Variants in PLEKHA2 observed in about 807,000 individuals in gnomAD.
The protein encoded by PLEKHA2 is pleckstrin homology domain-containing family A member 2.
Under a neutral mutation model 53.2 loss-of-function variants are expected in PLEKHA2, and 28 were observed. The ratio of observed to expected loss-of-function variants is 0.53; its 90% CI spans 0.39 to 0.72. The LOEUF is 0.72. Among genes scored for constraint, PLEKHA2 ranks in the 30% least tolerant of loss-of-function variants. PLEKHA2 has a pLI of 0.00. For missense variants in PLEKHA2, 426 were observed against 537.9 expected, an observed-to-expected ratio of 0.79 and a Z score of 2.06; for synonymous variants, 193 against 196.4, an observed-to-expected ratio of 0.98 and a Z score of 0.14.
chr8:38,918,669 ACACACACACCCCCACGCACAC>A (rs1219433530), intron 2 of PLEKHA2, among the ~76,000 whole-genome samples: 1 of 144,076 alleles, frequency 6.9e-6, no homozygotes, highest in Non-Finnish European at 1.5e-5. Flanking sequence ...ACACCCCCAT[ACACACACACCCCCACGCACAC>A]CACACACACC....
chr8:38,926,179 A>G (rs1425382356), intron 2 of PLEKHA2, among the ~76,000 whole-genome samples: 2 of 152,176 alleles, frequency 1.3e-5, no homozygotes, highest in Non-Finnish European at 2.9e-5. Context: ...GATTTTGTGT[A>G]ATTGATATCT....
At position 38,918,023 on chromosome 8, in the gene PLEKHA2, C is replaced by A; in HGVS notation, c.94C>A (p.Leu32Met). 6.2e-7 allele frequency: 1 copy of A among 1,613,538 alleles called. No individual in the cohort carries two copies. The highest frequency in any genetic ancestry group is 8.5e-7 in the Non-Finnish European group (1 of 1,179,646). The change falls in exon 2 of 12, where the codon CTG (leucine) becomes ATG (methionine). Residue 32 changes from leucine (L) to methionine (M), a missense_variant. By Grantham distance (15) the Leu-to-Met change is conservative. Transcript: ENST00000617275. ...SGKFLRRYFI[L>M]DTQANCLLWY... ...CAAGTTTCTGCGGAGGTACTTCATT[C>A]TGGACACCCAGGCTAACTGCCTCCT...
intron 5 of PLEKHA2, among the ~76,000 whole-genome samples, chr8:38,948,226 A>C (rs1304948811): frequency 6.6e-6 from 1 of 152,212 alleles, no homozygotes; most frequent in Non-Finnish European, 1.5e-5. Context: ...CATCCCTAAA[A>C]ATGTGGTTAC....
At chr8:38,937,761 T>G (rs1465256748) in intron 3 of PLEKHA2, among the ~76,000 whole-genome samples, 1 of 152,104 alleles carries the variant, frequency 6.6e-6, no homozygotes, top group African/African-American at 2.4e-5. Flanking sequence ...AAGCAGGGGT[T>G]TTTCCCAGAA....
intron 1 of PLEKHA2, among the ~76,000 whole-genome samples, chr8:38,908,020 A>G (rs968456859): frequency 1.3e-5 from 2 of 151,948 alleles, no homozygotes; most frequent in South Asian, 2.1e-4. Context: ...CTCACCTGAC[A>G]CTTATTTTAA....
At chr8:38,925,000 A>G (rs1834258917) in intron 2 of PLEKHA2, among the ~76,000 whole-genome samples, 1 of 152,232 alleles carries the variant, frequency 6.6e-6, no homozygotes, top group Non-Finnish European at 1.5e-5. Flanking sequence ...ATATACTGAC[A>G]ATATCAAGCA....
chr8:38,959,172 C>T (rs1297547357), intron 10 of PLEKHA2, among the ~76,000 whole-genome samples: 1 of 152,114 alleles, frequency 6.6e-6, no homozygotes, highest in African/African-American at 2.4e-5. Context: ...GTGCTACTGC[C>T]ATTAGACTGA....
chr8:38,930,453 C>T (rs1390195746), intron 2 of PLEKHA2, among the ~76,000 whole-genome samples: 2 of 152,204 alleles, frequency 1.3e-5, no homozygotes, highest in African/African-American at 4.8e-5. Flanking sequence ...ATCCCCCTGC[C>T]TCAGCCTCCC....
At chr8:38,969,348 T>A in intron 11 of PLEKHA2, 73 bp from the exon 12 acceptor site, 4 of 1,530,596 alleles carry the variant, frequency 2.6e-6, no homozygotes, top group Non-Finnish European at 3.5e-6. Context: ...GTACTCTTTC[T>A]GGGACTCTGT....
At chr8:38,911,241 TTTC>T (rs1564102609) in intron 1 of PLEKHA2, among the ~76,000 whole-genome samples, 1 of 83,878 alleles carries the variant, frequency 1.2e-5, no homozygotes, top group Non-Finnish European at 2.6e-5. Context: ...GCATGAACAC[TTTC>T]TTTTTTTTTT....
At chr8:38,948,035 G>A (rs565664421) in intron 5 of PLEKHA2, among the ~76,000 whole-genome samples, 4 of 147,386 alleles carry the variant, frequency 2.7e-5, no homozygotes, top group South Asian at 2.1e-4. Context: ...GCAGTGAGCC[G>A]AGATCGCGCC....
intron 5 of PLEKHA2, among the ~76,000 whole-genome samples, chr8:38,950,196 AT>A (rs796655302): frequency 1.5e-3 from 220 of 150,064 alleles, no homozygotes; most frequent in African/African-American, 5.1e-3. Context: ...CACCTGGCTA[AT>A]TTTTTTTTTC....
In PLEKHA2 at chr8:38,933,790, A is replaced by AAAAAAAAAG. The variant is rs71216697; in HGVS notation, c.142-2200_142-2199insAAAAGAAAA. Among the ~76,000 whole-genome samples the AAAAAAAAAG allele has an allele frequency of 2.7e-3, 247 of 90,676 alleles. 14 individuals are homozygous for AAAAAAAAAG. The highest frequency in any genetic ancestry group is 8.5e-3 in the African/African-American group (222 of 26,012). The allele number at this position is 90,676 out of a possible 152,430, so 59.5% of individuals were successfully genotyped here. A position where few individuals can be genotyped will look rare whatever the true frequency, so the allele number is the denominator to read the frequency against. On this transcript the variant is annotated intron_variant, in intron 2 of 11. Coordinates refer to ENST00000617275, the MANE Select transcript of PLEKHA2 (RefSeq NM_021623.2). Reference sequence around the variant, plus strand: ...AATAGAGGTTTCCTAAAAAAAAAAAAAAAAGAAAAGAAAGAAAAGCAGTCG... The same window carrying AAAAAAAAAG: ...AATAGAGGTTTCCTAAAAAAAAAAAAAAAAAAAAGAAAAGAAAAGAAAGAAAAGCAGTCG...
At chr8:38,949,462 A>G (rs1049082886) in intron 5 of PLEKHA2, among the ~76,000 whole-genome samples, 1 of 152,246 alleles carries the variant, frequency 6.6e-6, no homozygotes, top group Non-Finnish European at 1.5e-5. Flanking sequence ...TTTTTCTGTG[A>G]AATATCCCAA....
At chr8:38,944,646 G>A (rs932413312) in intron 4 of PLEKHA2, among the ~76,000 whole-genome samples, 7 of 152,266 alleles carry the variant, frequency 4.6e-5, no homozygotes, top group African/African-American at 1.7e-4. Flanking sequence ...ACAACAGCAT[G>A]GGGGATGGTG....
intron 6 of PLEKHA2, 37 bp downstream of exon 6, chr8:38,951,027 G>GT: frequency 6.3e-7 from 1 of 1,582,794 alleles, no homozygotes; most frequent in South Asian, 1.1e-5. Flanking sequence ...GGGAGTGGGG[G>GT]TGTGGAAGTG....
chr8:38,927,512 A>G (rs1834310036), intron 2 of PLEKHA2, among the ~76,000 whole-genome samples: 1 of 152,182 alleles, frequency 6.6e-6, no homozygotes, highest in Admixed American at 6.5e-5. Flanking sequence ...TCTCAAAAAA[A>G]GTCATTTTAT....
At chr8:38,927,548 G>A (rs533216628) in intron 2 of PLEKHA2, among the ~76,000 whole-genome samples, 24 of 152,170 alleles carry the variant, frequency 1.6e-4, no homozygotes, top group Middle Eastern at 3.4e-3. Flanking sequence ...ATAGTGTCTC[G>A]AAGGCAAAGG....
In PLEKHA2 at chr8:38,913,704, C is replaced by T. The variant is rs540301458; in HGVS notation, c.-23-4203C>T. Among the ~76,000 whole-genome samples, 12 of 152,316 alleles carry T rather than the reference C, an allele frequency of 7.9e-5. No individual in the cohort carries two copies. In the East Asian group the frequency reaches 1.7e-3, roughly 22 times the overall value. ...CCTTCTGGTGGGACTCTTGTTCCTC[C>T]GTCATCCAGGGAGCTGAGGCTTCTT... On this transcript the variant is annotated intron_variant, in intron 1 of 11. Coordinates refer to ENST00000617275, the MANE Select transcript of PLEKHA2 (RefSeq NM_021623.2).
Sources: gnomAD v4.1 joint callset for allele counts (sites outside exome capture counted in the v4.1 genomes callset) on GRCh38, gnomAD v4.1.1 for gene constraint, MANE v1.5 for transcripts, NCBI Gene and HGNC (gene_info 2026-07-23, HGNC 2026-07-21) for gene names.